The following TET1 variants were observed in gnomAD, a reference collection of about 807,000 sequenced individuals.
TET1 encodes tet methylcytosine dioxygenase 1, also known as methylcytosine dioxygenase TET1.
TET1 carries 13 observed loss-of-function variants against 148.7 expected under a neutral mutation model. The observed-to-expected ratio is 0.09, with a 90% confidence interval of 0.06 to 0.14. The LOEUF is 0.14. Ranked by LOEUF, TET1 falls within the 10% of genes least tolerant of loss-of-function variation. TET1 has a pLI of 1.00. For missense variants in TET1, 2,182 were observed against 2,553.8 expected, an observed-to-expected ratio of 0.85 and a Z score of 3.14; for synonymous variants, 907 against 937.2, an observed-to-expected ratio of 0.97 and a Z score of 0.59.
intron 8 of TET1, chr10:68,674,725 G>A (rs2055326070): frequency 2.0e-6 from 1 of 488,448 alleles, no homozygotes; most frequent in Non-Finnish European, 4.0e-6. Context: ...TGCTTCATGT[G>A]TTCTGTGTTG....
intron 2 of TET1, among the ~76,000 whole-genome samples, chr10:68,577,721 A>G (rs773396480): frequency 1.8e-4 from 28 of 152,178 alleles, no homozygotes; most frequent in Non-Finnish European, 3.8e-4. Flanking sequence ...AGGCAGGAGA[A>G]TCGCTTGAAC....
At chr10:68,589,852 A>G (rs2053899735) in intron 2 of TET1, among the ~76,000 whole-genome samples, 1 of 151,464 alleles carries the variant, frequency 6.6e-6, no homozygotes. Flanking sequence ...TTGTATTTTT[A>G]GCAGAAATGG....
At chr10:68,685,303 C>G (rs946336124) in intron 10 of TET1, among the ~76,000 whole-genome samples, 1 of 152,150 alleles carries the variant, frequency 6.6e-6, no homozygotes, top group Non-Finnish European at 1.5e-5. Context: ...CTATCAAGTT[C>G]TACCATGAAT....
intron 2 of TET1, among the ~76,000 whole-genome samples, chr10:68,589,044 G>A (rs1207612473): frequency 6.6e-6 from 1 of 152,076 alleles, no homozygotes; most frequent in East Asian, 1.9e-4. Context: ...GATTGCTTGA[G>A]CTGGGGAGAT....
At chr10:68,607,306 T>C (rs941508172) in intron 3 of TET1, among the ~76,000 whole-genome samples, 2 of 152,234 alleles carry the variant, frequency 1.3e-5, no homozygotes, top group African/African-American at 4.8e-5. Context: ...AGTTGTACTT[T>C]CTTTACTGTA....
chr10:68,674,621 G>A (rs12783557), intron 8 of TET1: 55,003 of 478,390 alleles, frequency 0.11, 3,705 homozygotes, highest in Admixed American at 0.16. Flanking sequence ...CTTCCATGGC[G>A]TGGATCTTAC....
chr10:68,692,197 TAACTC>T lies in TET1; in HGVS notation c.*384_*388del. ...GATGTAAAATCAAGACACACAGTGT[TAACTC>T]TACACAGCTTCTGGTGCTTAACCAC... On this transcript the variant is annotated 3_prime_UTR_variant, in exon 12 of 12. Coordinates refer to ENST00000373644, the MANE Select transcript of TET1 (RefSeq NM_030625.3). 1 of 263,252 alleles carries T rather than the reference TAACTC, an allele frequency of 3.8e-6. No homozygotes were observed. The highest frequency in any genetic ancestry group is 2.2e-5 in the African/African-American group (1 of 46,136). 16.3% of individuals were successfully genotyped at this position (263,252 alleles called of 1,614,324 possible). A position where few individuals can be genotyped will look rare whatever the true frequency, so the allele number is the denominator to read the frequency against.
At chr10:68,592,322 AAG>A (rs1379805635) in intron 2 of TET1, among the ~76,000 whole-genome samples, 1 of 151,014 alleles carries the variant, frequency 6.6e-6, no homozygotes, top group Non-Finnish European at 1.5e-5. Flanking sequence ...CAAAAAGAAA[AAG>A]AAAAAACAAA....
chr10:68,591,726 C>T (rs2132842179), intron 2 of TET1, among the ~76,000 whole-genome samples: 1 of 151,880 alleles, frequency 6.6e-6, no homozygotes, highest in South Asian at 2.1e-4. Context: ...CACGGTGAAA[C>T]CCCGTCTCCA....
intron 2 of TET1, among the ~76,000 whole-genome samples, chr10:68,580,781 T>C (rs1590166502): frequency 2.6e-5 from 1 of 37,916 alleles, no homozygotes; most frequent in East Asian, 7.3e-4. Context: ...AAACTCCATC[T>C]CAAAAAAAAA....
chr10:68,688,611 T>C (rs2133241785), intron 11 of TET1, among the ~76,000 whole-genome samples: 1 of 151,800 alleles, frequency 6.6e-6, no homozygotes, highest in Middle Eastern at 3.4e-3. Flanking sequence ...ATTTTTTTTA[T>C]ATATTTTTAG....
intron 2 of TET1, among the ~76,000 whole-genome samples, chr10:68,575,255 G>A (rs1433623326): frequency 1.3e-5 from 2 of 151,868 alleles, no homozygotes; most frequent in Non-Finnish European, 2.9e-5. Flanking sequence ...GTGGTGGCGG[G>A]TGCCTGTAAT....
At chr10:68,600,654 C>A (rs1330340707) in intron 2 of TET1, among the ~76,000 whole-genome samples, 1 of 152,152 alleles carries the variant, frequency 6.6e-6, no homozygotes, top group Non-Finnish European at 1.5e-5. Flanking sequence ...AAGCAGTTTG[C>A]AGAACTGTTC....
chr10:68,568,368 G>T (rs1435685328), intron 1 of TET1, among the ~76,000 whole-genome samples: 1 of 151,718 alleles, frequency 6.6e-6, no homozygotes, highest in Non-Finnish European at 1.5e-5. Context: ...GATTACAGGC[G>T]CCCACCACCA....
rs553591899 is a variant in TET1, at chr10:68,597,030, A to ATTTTTTTTTTTTTT, written c.1915-3943_1915-3930dup. Reference sequence around the variant, plus strand: ...ATTTTCATGATCACACAGCTAATGGATTTTTTTTTTTTTTTTTTTTTGAGA... The same window carrying ATTTTTTTTTTTTTT: ...ATTTTCATGATCACACAGCTAATGGATTTTTTTTTTTTTTTTTTTTTTTTTTTTTTTTTTTGAGA... On this transcript the variant is annotated intron_variant, in intron 2 of 11. Transcript: ENST00000373644. 1.6e-3 allele frequency among the ~76,000 whole-genome samples: 156 copies of ATTTTTTTTTTTTTT among 98,860 alleles called. 15 individuals carry two copies. Among genetic ancestry groups the ATTTTTTTTTTTTTT allele is most frequent in the African/African-American group, 4.7e-3 (107 of 22,556 alleles). The allele number at this position is 98,860 out of a possible 152,430, so 64.9% of individuals were successfully genotyped here.
At position 68,571,023 on chromosome 10, in the gene TET1, C is replaced by T. The variant is rs147587114; in HGVS notation, c.-122-1194C>T. ...ATTATTTTTCTGAGATGGAGTCTCG[C>T]TGTGTCACCCAGGCTGGAGTGCAAT... On this transcript the variant is annotated intron_variant, in intron 1 of 11. Transcript: ENST00000373644. 2.0e-3 allele frequency among the ~76,000 whole-genome samples: 306 copies of T among 151,898 alleles called. 8 individuals are homozygous for T. The East Asian group carries it at 0.055, about 27-fold the overall frequency.
chr10:68,645,060 C>T lies in TET1; in HGVS notation c.2331C>T (p.Phe777=), dbSNP rs1170457819. Residue 777 remains phenylalanine, a synonymous_variant, in exon 4 of 12, where the codon TTC becomes TTT. Coordinates refer to ENST00000373644, the MANE Select transcript of TET1 (RefSeq NM_030625.3). ...AAACAAATGTTTCATTTAAAAAATT[C>T]AATATTGAAGAATTCGGCAAGACAT... The part of the protein sequence containing the change: ...PAETNVSFKK[F]NIEEFGKTLE... 6.2e-7 allele frequency: 1 copy of T among 1,612,628 alleles called. No individual in the cohort carries two copies. The highest frequency in any genetic ancestry group is 8.5e-7 in the Non-Finnish European group (1 of 1,179,674).
intron 3 of TET1, among the ~76,000 whole-genome samples, chr10:68,634,394 G>A (rs1030432670): frequency 1.3e-5 from 2 of 152,170 alleles, no homozygotes; most frequent in Non-Finnish European, 2.9e-5. Context: ...TTGATAATCT[G>A]TACAATCTAA....
At chr10:68,648,398 C>G (rs2054882984) in intron 4 of TET1, among the ~76,000 whole-genome samples, 1 of 152,182 alleles carries the variant, frequency 6.6e-6, no homozygotes. Context: ...TAGGGAAATT[C>G]AATAGATTGT....
Sources: gnomAD v4.1 joint callset for allele counts (sites outside exome capture counted in the v4.1 genomes callset) on GRCh38, gnomAD v4.1.1 for gene constraint, MANE v1.5 for transcripts, NCBI Gene and HGNC (gene_info 2026-07-23, HGNC 2026-07-21) for gene names.